DGKB: variants seen among roughly 807,000 people sequenced by gnomAD.
DGKB encodes the protein diacylglycerol kinase beta.
Under a neutral mutation model 114.3 loss-of-function variants are expected in DGKB, and 67 were observed. The ratio of observed to expected loss-of-function variants is 0.59; its 90% confidence interval spans 0.48 to 0.72. The LOEUF (loss-of-function observed/expected upper bound fraction) is 0.72, where lower values mean the gene tolerates loss of function less well. Among genes scored for constraint, DGKB ranks in the 30% least tolerant of loss-of-function variants. The probability of loss-of-function intolerance (pLI) is 0.00; values close to 1 mark genes in which losing one functional copy is unlikely to be tolerated. For synonymous variants in DGKB, 398 were observed against 323.1 expected (o/e 1.23, Z -2.49); for missense variants, 907 against 975.2 (o/e 0.93, Z 0.93).
intron 13 of DGKB, among the ~76,000 whole-genome samples, chr7:14,636,185 A>G (rs1810720563): frequency 6.6e-6 from 1 of 151,774 alleles, no homozygotes; most frequent in Non-Finnish European, 1.5e-5. Flanking sequence ...ACTGCCAGTC[A>G]ACCTTATCAT....
At chr7:14,739,456 A>C (rs1023903520) in intron 4 of DGKB, among the ~76,000 whole-genome samples, 3 of 152,204 alleles carry the variant, frequency 2.0e-5, no homozygotes, top group African/African-American at 7.2e-5. Flanking sequence ...TCAATTTGTG[A>C]GGTGGAAACC....
chr7:14,327,061 G>A (rs921893706), intron 23 of DGKB, among the ~76,000 whole-genome samples: 4 of 152,070 alleles, frequency 2.6e-5, no homozygotes, highest in Non-Finnish European at 5.9e-5. Context: ...TATACCTATA[G>A]TAATTCATTT....
intron 23 of DGKB, among the ~76,000 whole-genome samples, chr7:14,182,484 T>C (rs1782781389): frequency 6.6e-6 from 1 of 152,116 alleles, no homozygotes; most frequent in Non-Finnish European, 1.5e-5. Context: ...TTTTAAAACA[T>C]TATGTCTGAG....
intron 1 of DGKB, among the ~76,000 whole-genome samples, chr7:14,910,993 C>T (rs554293457): frequency 1.3e-5 from 2 of 152,146 alleles, no homozygotes; most frequent in African/African-American, 4.8e-5. Context: ...CAAGCACATG[C>T]ATATTTACTG....
At chr7:14,442,445 A>G (rs1010779580) in intron 21 of DGKB, among the ~76,000 whole-genome samples, 36 of 151,982 alleles carry the variant, frequency 2.4e-4, no homozygotes, top group African/African-American at 8.7e-4. Flanking sequence ...CAGTAAACAA[A>G]TATCTAATTT....
At chr7:14,569,667 T>C (rs1298327183) in intron 20 of DGKB, among the ~76,000 whole-genome samples, 2 of 152,278 alleles carry the variant, frequency 1.3e-5, no homozygotes, top group African/African-American at 4.8e-5. Flanking sequence ...GTAGCATGTA[T>C]AATTTAGTAA....
chr7:14,696,501 CAAAAAAAAAAAAAA>C (rs35486620), intron 8 of DGKB, among the ~76,000 whole-genome samples: 1,337 of 45,158 alleles, frequency 0.03, 41 homozygotes, highest in African/African-American at 0.075. Flanking sequence ...GACTCCGTCT[CAAAAAAAAAAAAAA>C]AAAAAAAAAA....
At chr7:14,149,924 T>G (rs1186941496) in intron 25 of DGKB, among the ~76,000 whole-genome samples, 2 of 152,172 alleles carry the variant, frequency 1.3e-5, no homozygotes, top group Admixed American at 1.3e-4. Flanking sequence ...GATATAAAAC[T>G]ACGAATCACC....
intron 1 of DGKB, among the ~76,000 whole-genome samples, chr7:14,848,504 G>A (rs559978726): frequency 4.6e-5 from 7 of 152,258 alleles, no homozygotes; most frequent in Admixed American, 1.3e-4. Flanking sequence ...GAGATAAGAG[G>A]TATAATATTA....
chr7:14,685,852 G>A (rs1821586559), intron 9 of DGKB, among the ~76,000 whole-genome samples: 1 of 152,136 alleles, frequency 6.6e-6, no homozygotes, highest in Non-Finnish European at 1.5e-5. Flanking sequence ...GCAGAGGAAT[G>A]GGATGGGATG....
chr7:14,423,627 T>C (rs1335301597), intron 21 of DGKB, among the ~76,000 whole-genome samples: 3 of 152,120 alleles, frequency 2.0e-5, no homozygotes, highest in Non-Finnish European at 2.9e-5. Context: ...TTTTAACTCA[T>C]GCAAAAGTGA....
intron 16 of DGKB, among the ~76,000 whole-genome samples, chr7:14,612,067 T>C (rs1026508869): frequency 6.6e-6 from 1 of 151,774 alleles, no homozygotes; most frequent in Non-Finnish European, 1.5e-5. Flanking sequence ...TATTTTTAAT[T>C]ATTAAAACAT....
intron 20 of DGKB, among the ~76,000 whole-genome samples, chr7:14,527,186 AT>A (rs1466957107): frequency 1.3e-5 from 2 of 152,134 alleles, no homozygotes; most frequent in African/African-American, 4.8e-5. Context: ...TTGAAAAGTC[AT>A]TAAAGCAAGT....
intron 25 of DGKB, 51 bp downstream of exon 25, chr7:14,176,788 G>A: frequency 6.3e-7 from 1 of 1,577,094 alleles, no homozygotes; most frequent in East Asian, 2.3e-5. Flanking sequence ...TTTAGTCAAA[G>A]AGGAAAGCAA....
At chr7:14,175,963 C>G (rs1157767453) in intron 25 of DGKB, 4 of 152,066 alleles carry the variant, frequency 2.6e-5, no homozygotes, top group African/African-American at 7.2e-5. Flanking sequence ...TGTCACCAAG[C>G]CCAGCTAAGT....
chr7:14,627,886 T>C (rs985404514), intron 14 of DGKB, among the ~76,000 whole-genome samples: 1 of 151,202 alleles, frequency 6.6e-6, no homozygotes, highest in Non-Finnish European at 1.5e-5. Context: ...GAGGCTGCAG[T>C]GAGCCGAGAT....
chr7:14,473,864 C>T (rs1781783809), intron 21 of DGKB, among the ~76,000 whole-genome samples: 1 of 152,162 alleles, frequency 6.6e-6, no homozygotes, highest in Non-Finnish European at 1.5e-5. Context: ...CAATGTCTCC[C>T]ATTTGGAATG....
At chr7:14,149,443 G>A (rs1781860257) in intron 25 of DGKB, among the ~76,000 whole-genome samples, 1 of 152,128 alleles carries the variant, frequency 6.6e-6, no homozygotes, top group South Asian at 2.1e-4. Context: ...TAATATCCCA[G>A]TGCTCAGGAT....
chr7:14,655,473 T>C (rs772855327), intron 13 of DGKB, among the ~76,000 whole-genome samples: 1 of 151,838 alleles, frequency 6.6e-6, no homozygotes, highest in East Asian at 1.9e-4. Context: ...AAAAACAGTA[T>C]GGAGGTTCCT....
Sources: allele counts gnomAD v4.1 joint callset (sites outside exome capture counted in the v4.1 genomes callset), GRCh38; gene constraint gnomAD v4.1.1; transcripts MANE v1.5; gene names NCBI Gene and HGNC (gene_info 2026-07-23, HGNC 2026-07-21).